TMEM117: variants seen among roughly 807,000 people sequenced by gnomAD.
The protein encoded by TMEM117 is transmembrane protein 117.
In TMEM117, 27 loss-of-function variants were observed where a neutral mutation model predicts 52.4. The observed-to-expected ratio is 0.51, with a 90% CI of 0.38 to 0.71. The LOEUF (loss-of-function observed/expected upper bound fraction) is 0.71. TMEM117 is among the 30% of genes least tolerant of loss of function. The probability of loss-of-function intolerance (pLI) is 0.00; values close to 1 mark genes in which losing one functional copy is unlikely to be tolerated. For synonymous variants in TMEM117, 215 were observed against 206.3 expected (o/e 1.04, Z -0.36); for missense variants, 556 against 630.5 (o/e 0.88, Z 1.26).
At chr12:43,857,595 A>G (rs192882092) in intron 2 of TMEM117, among the ~76,000 whole-genome samples, 41 of 152,260 alleles carry the variant, frequency 2.7e-4, no homozygotes, top group African/African-American at 8.2e-4. Flanking sequence ...TGAAAATGAA[A>G]AGTGCTTGAT....
chr12:43,984,364 TAACAACAACAACAACAAC>T (rs3064367), intron 3 of TMEM117, among the ~76,000 whole-genome samples: 4 of 145,994 alleles, frequency 2.7e-5, no homozygotes, highest in African/African-American at 7.6e-5. Context: ...TGAGACTCCG[TAACAACAACAACAACAAC>T]AACAACAACA....
intron 3 of TMEM117, among the ~76,000 whole-genome samples, chr12:44,103,776 A>G (rs2638855): frequency 0.31 from 47,250 of 151,814 alleles, 12,883 homozygotes; most frequent in African/African-American, 0.74. Context: ...AGTCGATACC[A>G]TCATTTTTCT....
intron 1 of TMEM117, among the ~76,000 whole-genome samples, chr12:43,843,178 TC>T (rs927520630): frequency 2.0e-5 from 3 of 152,078 alleles, no homozygotes; most frequent in African/African-American, 7.2e-5. Context: ...TTCCCCCTCT[TC>T]CCCCTCTTCC....
the TMEM117 span, among the ~76,000 whole-genome samples, chr12:44,398,109 GT>G: frequency 0.23 from 34,077 of 147,842 alleles, 7,388 homozygotes; most frequent in African/African-American, 0.58. Context: ...TTTTGTTTTG[GT>G]TTTTTTTTTA....
intron 6 of TMEM117, among the ~76,000 whole-genome samples, chr12:44,308,500 ATGCTAT>A (rs1436548000): frequency 6.6e-6 from 1 of 152,172 alleles, no homozygotes; most frequent in African/African-American, 2.4e-5. Context: ...ACATTCAGCC[ATGCTAT>A]TGGCACCCAA....
the TMEM117 span, among the ~76,000 whole-genome samples, chr12:43,828,392 A>G: frequency 1.3e-5 from 2 of 152,162 alleles, no homozygotes; most frequent in Non-Finnish European, 2.9e-5. Flanking sequence ...GGCCTCAGAC[A>G]TGTCTCAGGT....
intron 5 of TMEM117, among the ~76,000 whole-genome samples, chr12:44,239,559 T>C (rs1950037345): frequency 6.6e-6 from 1 of 152,158 alleles, no homozygotes; most frequent in African/African-American, 2.4e-5. Flanking sequence ...TCATTCAAAA[T>C]AGTCCAAATT....
intron 2 of TMEM117, among the ~76,000 whole-genome samples, chr12:43,875,274 G>A (rs988538935): frequency 6.6e-6 from 1 of 151,744 alleles, no homozygotes; most frequent in Non-Finnish European, 1.5e-5. Flanking sequence ...GAATCGGGTA[G>A]GGCAACAGGA....
rs148768503 is a variant in TMEM117 at position 44,220,665 on chromosome 12, A to G, written c.608+9278A>G. Among the ~76,000 whole-genome samples the G allele has an allele frequency of 8.6e-3, 1,305 of 152,214 alleles. 20 individuals are homozygous for G. Among genetic ancestry groups the G allele is most frequent in the African/African-American group, 0.03 (1,236 of 41,552 alleles). On this transcript the variant is annotated intron_variant, in intron 5 of 7. Transcript: ENST00000266534. ...CCAGGGCTCTTTGGAGAAATGACTG[A>G]TTCTAAATCTGGGGTAGAGAATATA...
intron 2 of TMEM117, among the ~76,000 whole-genome samples, chr12:43,899,045 C>A (rs892852165): frequency 6.6e-6 from 1 of 152,190 alleles, no homozygotes. Flanking sequence ...TCAGAAAGAT[C>A]TTGAGAATGC....
chr12:44,056,164 A>G (rs1358547792), intron 3 of TMEM117, among the ~76,000 whole-genome samples: 1 of 152,110 alleles, frequency 6.6e-6, no homozygotes, highest in Non-Finnish European at 1.5e-5. Context: ...CAGTGGCATA[A>G]TCATAGCTTA....
At chr12:44,126,544 T>A (rs1037321522) in intron 3 of TMEM117, among the ~76,000 whole-genome samples, 1 of 152,208 alleles carries the variant, frequency 6.6e-6, no homozygotes, top group Non-Finnish European at 1.5e-5. Flanking sequence ...ATTTCAGAAA[T>A]GGTTTCTGAC....
intron 3 of TMEM117, among the ~76,000 whole-genome samples, chr12:43,969,355 C>CCAAAAAA (rs1945539243): frequency 1.7e-3 from 7 of 4,026 alleles, no homozygotes; most frequent in Admixed American, 0.015. Context: ...CCCGTCTCTA[C>CCAAAAAA]TAAAAAAAAA....
chr12:43,898,066 A>G (rs116263308), intron 2 of TMEM117, among the ~76,000 whole-genome samples: 1 of 151,626 alleles, frequency 6.6e-6, no homozygotes, highest in African/African-American at 2.4e-5. Flanking sequence ...ACACACACAC[A>G]CACACCGATT....
intron 6 of TMEM117, among the ~76,000 whole-genome samples, chr12:44,332,050 A>G (rs1951277892): frequency 6.6e-6 from 1 of 152,066 alleles, no homozygotes. Flanking sequence ...TTTATCACAT[A>G]TCTGAGGCAC....
At chr12:44,282,090 A>T (rs890272756) in intron 5 of TMEM117, among the ~76,000 whole-genome samples, 1 of 151,948 alleles carries the variant, frequency 6.6e-6, no homozygotes, top group Non-Finnish European at 1.5e-5. Context: ...AGGGGTTTCC[A>T]CTTTTGCTTC....
chr12:44,163,906 C>T (rs1948929804), intron 4 of TMEM117, among the ~76,000 whole-genome samples: 2 of 152,060 alleles, frequency 1.3e-5, no homozygotes, highest in African/African-American at 4.8e-5. Context: ...TGGATTTTCC[C>T]AAAGTATTTT....
At chr12:44,089,212 AG>A (rs1213982624) in intron 3 of TMEM117, among the ~76,000 whole-genome samples, 2 of 152,222 alleles carry the variant, frequency 1.3e-5, no homozygotes, top group Admixed American at 1.3e-4. Context: ...AATTTATAGA[AG>A]TGGTATAAAA....
chr12:43,892,493 T>C (rs147119165), intron 2 of TMEM117, among the ~76,000 whole-genome samples: 120 of 152,238 alleles, frequency 7.9e-4, no homozygotes, highest in Non-Finnish European at 1.5e-3. Flanking sequence ...GCTTTTAAAT[T>C]ATGGAATGAT....
Sources: gnomAD v4.1 joint callset for allele counts (sites outside exome capture counted in the v4.1 genomes callset) on GRCh38, gnomAD v4.1.1 for gene constraint, MANE v1.5 for transcripts, NCBI Gene and HGNC (gene_info 2026-07-23, HGNC 2026-07-21) for gene names.